The following GUCY1A2 variants were observed in gnomAD, a reference collection of about 807,000 sequenced individuals.
GUCY1A2 encodes guanylate cyclase soluble subunit alpha-2.
Under a neutral mutation model 63.5 loss-of-function variants are expected in GUCY1A2, and 27 were observed. That is an observed-to-expected ratio of 0.43 (90% confidence interval 0.31 to 0.59). The LOEUF is 0.59. Among genes scored for constraint, GUCY1A2 ranks in the 20% least tolerant of loss-of-function variants. The pLI is 0.11. For missense variants in GUCY1A2, 768 were observed against 913.3 expected (o/e 0.84, Z 2.05); for synonymous variants, 364 against 343.5 (o/e 1.06, Z -0.66).
At chr11:107,002,731 G>A (rs1280540761) in intron 1 of GUCY1A2, among the ~76,000 whole-genome samples, 3 of 152,140 alleles carry the variant, frequency 2.0e-5, no homozygotes, top group African/African-American at 7.2e-5. Context: ...CATAGTCAGT[G>A]CAGCTGCCAT....
At chr11:106,992,884 C>A (rs918370887) in intron 1 of GUCY1A2, among the ~76,000 whole-genome samples, 6 of 152,072 alleles carry the variant, frequency 3.9e-5, no homozygotes, top group Admixed American at 3.9e-4. Context: ...CTCTGAGCAC[C>A]CGGCGTCTTT....
intron 4 of GUCY1A2, among the ~76,000 whole-genome samples, chr11:106,921,364 G>A (rs1201412552): frequency 6.6e-6 from 1 of 151,012 alleles, no homozygotes; most frequent in Non-Finnish European, 1.5e-5. Flanking sequence ...ATATTCCCAG[G>A]GATCCATGCC....
At chr11:106,920,371 T>A (rs778690808) in intron 4 of GUCY1A2, among the ~76,000 whole-genome samples, 6 of 152,142 alleles carry the variant, frequency 3.9e-5, no homozygotes, top group Non-Finnish European at 8.8e-5. Context: ...ATATTACATA[T>A]CGATTATACT....
At chr11:106,773,020 C>T (rs992182322) in intron 6 of GUCY1A2, among the ~76,000 whole-genome samples, 3 of 152,082 alleles carry the variant, frequency 2.0e-5, no homozygotes, top group Non-Finnish European at 4.4e-5. Context: ...TTAGAAAACT[C>T]TCTTTCCACT....
At chr11:106,863,448 T>A (rs943045172) in intron 4 of GUCY1A2, among the ~76,000 whole-genome samples, 1 of 152,202 alleles carries the variant, frequency 6.6e-6, no homozygotes, top group Non-Finnish European at 1.5e-5. Flanking sequence ...CAGATGGTTG[T>A]AGATGTGTGG....
intron 6 of GUCY1A2, among the ~76,000 whole-genome samples, chr11:106,731,370 T>C (rs529749758): frequency 9.2e-5 from 14 of 152,274 alleles, no homozygotes; most frequent in East Asian, 1.9e-4. Context: ...AAGCTAGGCA[T>C]TGAATGAACA....
rs1332106047 is a variant in GUCY1A2, at chr11:106,678,792, T to C, written c.*8757A>G. The C allele has an allele frequency of 5.1e-6, 1 of 196,060 alleles. No individual in the cohort carries two copies. The highest frequency in any genetic ancestry group is 1.1e-5 in the Non-Finnish European group (1 of 94,460). The allele number at this position is 196,060 out of a possible 1,614,324, so 12.1% of individuals were successfully genotyped here. ...ACTATTATCCTTAATGTTTATGTTA[T>C]TTTAAAAAGTGTAATATTTTAAGTA... On this transcript the variant is annotated 3_prime_UTR_variant, in exon 8 of 8. Transcript: ENST00000526355.
Position 106,686,135 on chromosome 11 carries a change from AGAAACTTAGAT to A in GUCY1A2, c.*1403_*1413del, listed in dbSNP as rs1862522441. On this transcript the variant is annotated 3_prime_UTR_variant, in exon 8 of 8. Coordinates refer to ENST00000526355, the MANE Select transcript of GUCY1A2 (RefSeq NM_000855.3). ...ATGCTTCCAGCTTATTAACCTCAAT[AGAAACTTAGAT>A]TTTATATCTGAACCCAAACAGGAAA... 4.6e-6 allele frequency: 1 copy of A among 216,426 alleles called. No individual in the cohort carries two copies. 13.4% of individuals were successfully genotyped at this position (216,426 alleles called of 1,614,324 possible).
chr11:106,795,077 C>T (rs553507673), intron 5 of GUCY1A2, among the ~76,000 whole-genome samples: 1 of 152,250 alleles, frequency 6.6e-6, no homozygotes, highest in African/African-American at 2.4e-5. Flanking sequence ...GTGTCAACTG[C>T]AACAAATATG....
At chr11:106,703,462 A>G (rs1299748890) in intron 7 of GUCY1A2, among the ~76,000 whole-genome samples, 1 of 152,202 alleles carries the variant, frequency 6.6e-6, no homozygotes, top group African/African-American at 2.4e-5. Flanking sequence ...AGGGAGGAAG[A>G]GTCAGTAAAA....
rs1862363149 is a variant in GUCY1A2 at position 106,677,294 on chromosome 11, CTT to C, written c.*10253_*10254del. The C allele has an allele frequency of 4.6e-6, 1 of 217,624 alleles. No individual in the cohort carries two copies. 13.5% of individuals were successfully genotyped at this position (217,624 alleles called of 1,614,324 possible). ...CCTAATTAATTTACTGCACATAAAA[CTT>C]ATGTATATAAACCATTCATTTCACA... On this transcript the variant is annotated 3_prime_UTR_variant, in exon 8 of 8. Coordinates refer to ENST00000526355, the MANE Select transcript of GUCY1A2 (RefSeq NM_000855.3).
At chr11:106,801,738 C>G (rs1017096531) in intron 5 of GUCY1A2, among the ~76,000 whole-genome samples, 5 of 152,034 alleles carry the variant, frequency 3.3e-5, no homozygotes, top group African/African-American at 1.2e-4. Flanking sequence ...GTTTGTAACA[C>G]AAAAAGTAAA....
intron 5 of GUCY1A2, among the ~76,000 whole-genome samples, chr11:106,805,157 C>A (rs1858664250): frequency 6.6e-6 from 1 of 152,140 alleles, no homozygotes; most frequent in African/African-American, 2.4e-5. Context: ...TGTTTAATGC[C>A]ATGGACATTT....
intron 6 of GUCY1A2, among the ~76,000 whole-genome samples, chr11:106,754,988 T>C (rs961538311): frequency 2.0e-5 from 3 of 152,138 alleles, no homozygotes; most frequent in Non-Finnish European, 2.9e-5. Context: ...GGTCCTGGAC[T>C]TTTTTTGGTT....
rs559877404 is a variant in GUCY1A2, at chr11:106,925,438, G to A, written c.1206+14022C>T. ...TTAAATTATCCTCAGTTATGAAAGG[G>A]TAAATGATGTCATAGATTCTGGGCC... On this transcript the variant is annotated intron_variant, in intron 4 of 7. Coordinates refer to ENST00000526355, the MANE Select transcript of GUCY1A2 (RefSeq NM_000855.3). Among the ~76,000 whole-genome samples the A allele has an allele frequency of 1.3e-3, 198 of 152,218 alleles. 1 individual carries two copies. Among genetic ancestry groups the A allele is most frequent in the African/African-American group, 4.5e-3 (185 of 41,532 alleles).
In GUCY1A2 at chr11:106,810,264, G is replaced by A; in HGVS notation, c.1421C>T (p.Ala474Val). 1.2e-6 allele frequency: 2 copies of A among 1,613,688 alleles called. No homozygotes were observed. Among genetic ancestry groups the A allele is most frequent in the East Asian group, 2.2e-5 (1 of 44,870 alleles). ...GGCCTGGTGAGTTCTTTCTAAAGTT[G>A]CCTTTAATTTATCCATCCTTTTCTT... ...GLKKRMDKLK[A>V]TLERTHQALE... is the part of the protein sequence containing the mutation. The change falls in exon 5 of 8, where the codon GCA becomes GTA. Residue 474 changes from alanine (A) to valine (V), a missense_variant. Coordinates refer to ENST00000526355, the MANE Select transcript of GUCY1A2 (RefSeq NM_000855.3).
chr11:106,791,475 ATT>A (rs200322625), intron 5 of GUCY1A2, among the ~76,000 whole-genome samples: 1 of 27,456 alleles, frequency 3.6e-5, no homozygotes, highest in Admixed American at 4.6e-4. Context: ...TTATGGAGGT[ATT>A]TGTGTGTGTG....
rs207472316 is a variant in GUCY1A2, at chr11:106,685,370, C to T, written c.*2179G>A. ...AATGATGCTTTTCAAATATGCTTCC[C>T]GTAGATATTCTTAAGTATGGAGATA... is the stretch of plus-strand genomic sequence containing the variant. On this transcript the variant is annotated 3_prime_UTR_variant, in exon 8 of 8. Transcript: ENST00000526355. The T allele has an allele frequency of 3.8e-5, 8 of 212,762 alleles. No homozygotes were observed. Among genetic ancestry groups the T allele is most frequent in the East Asian group, 1.4e-4 (2 of 14,060 alleles). 13.2% of individuals were successfully genotyped at this position (212,762 alleles called of 1,614,324 possible).
intron 6 of GUCY1A2, among the ~76,000 whole-genome samples, chr11:106,746,192 GA>G (rs561817496): frequency 3.3e-4 from 48 of 146,422 alleles, no homozygotes; most frequent in African/African-American, 9.8e-4. Flanking sequence ...ATAGTGGAGG[GA>G]AAAAAAAAAG....
Sources: allele counts gnomAD v4.1 joint callset (sites outside exome capture counted in the v4.1 genomes callset), GRCh38; gene constraint gnomAD v4.1.1; transcripts MANE v1.5; gene names NCBI Gene and HGNC (gene_info 2026-07-23, HGNC 2026-07-21).